The following EBF3 variants were observed in gnomAD, a reference collection of about 807,000 sequenced individuals.
The protein encoded by EBF3 is EBF transcription factor 3.
EBF3 carries 18 observed loss-of-function variants against 77.1 expected under a neutral mutation model. The ratio of observed to expected loss-of-function variants is 0.23; its 90% CI spans 0.16 to 0.35. The LOEUF is 0.35. EBF3 is among the 10% of genes least tolerant of loss of function. EBF3 has a pLI of 1.00. For missense variants in EBF3, 558 were observed against 860.0 expected (o/e 0.65, Z 4.39); for synonymous variants, 350 against 343.5 (o/e 1.02, Z -0.21).
Position 129,861,553 on chromosome 10 carries a change from T to C in EBF3, c.1039+5588A>G, listed in dbSNP as rs1053157086. ...CTGGAGGGTGTCTATTCTTGGGGGG[T>C]TCACTGGGGATCATGGGGGGGACAC... On this transcript the variant is annotated intron_variant, in intron 10 of 16. Transcript: ENST00000440978. The surrounding 1 kb of genome is among the most constrained non-coding windows in gnomAD (Gnocchi z 4.3). 1.4e-5 allele frequency among the ~76,000 whole-genome samples: 2 copies of C among 140,056 alleles called. No homozygotes were observed. Among genetic ancestry groups the C allele is most frequent in the African/African-American group, 5.2e-5 (2 of 38,760 alleles). The allele number at this position is 140,056 out of a possible 152,430, so 91.9% of individuals were successfully genotyped here. A position where few individuals can be genotyped will look rare whatever the true frequency, so the allele number is the denominator to read the frequency against.
Position 129,943,121 on chromosome 10 carries a change from A to G in EBF3, c.554+14137T>C, listed in dbSNP as rs1857900672. On this transcript the variant is annotated intron_variant, in intron 6 of 16. Coordinates refer to ENST00000440978, the MANE Select transcript of EBF3 (RefSeq NM_001375380.1). The surrounding 1 kb of genome is among the most constrained non-coding windows in gnomAD (Gnocchi z 8.8). The stretch of plus-strand genomic sequence containing the variant: ...ACTGGATCACTCCACCGGCTGCTCA[A>G]GAAGCCAACAACTTCCTCCACATAA... 1.3e-5 allele frequency among the ~76,000 whole-genome samples: 2 copies of G among 152,228 alleles called. No individual in the cohort carries two copies. The highest frequency in any genetic ancestry group is 2.4e-5 in the African/African-American group (1 of 41,452).
At chr10:129,953,566 G>A (rs912443902) in intron 6 of EBF3, among the ~76,000 whole-genome samples, 1 of 152,306 alleles carries the variant, frequency 6.6e-6, no homozygotes, top group East Asian at 1.9e-4. Flanking sequence ...ACCGCCTGCC[G>A]CAGAGATGCC....
At chr10:129,846,108 TTGTGTGTGTGTGTGTGTGTG>T (rs10530522) in intron 11 of EBF3, among the ~76,000 whole-genome samples, 17 of 139,694 alleles carry the variant, frequency 1.2e-4, no homozygotes, top group African/African-American at 3.1e-4. Context: ...ATTCTGGGCT[TTGTGTGTGTGTGTGTGTGTG>T]TGTGTGTGTG....
chr10:129,845,711 G>A (rs1434598418), intron 11 of EBF3: 1 of 151,780 alleles, frequency 6.6e-6, no homozygotes, highest in African/African-American at 2.4e-5. Flanking sequence ...TTAATGCATG[G>A]GTAATTGCTC....
chr10:129,933,096 C>G (rs1047538425), intron 6 of EBF3, among the ~76,000 whole-genome samples: 2 of 152,074 alleles, frequency 1.3e-5, no homozygotes, highest in Non-Finnish European at 1.5e-5. Context: ...AAATCTCATT[C>G]GCTTGGAATC....
At chr10:129,869,390 G>GC (rs904559133) in intron 8 of EBF3, among the ~76,000 whole-genome samples, 23 of 146,230 alleles carry the variant, frequency 1.6e-4, no homozygotes, top group Admixed American at 8.2e-4. Flanking sequence ...CAAGCCACCC[G>GC]CCCCCCACCA....
chr10:129,961,437 G>A (rs1392478698), intron 4 of EBF3, among the ~76,000 whole-genome samples: 3 of 152,306 alleles, frequency 2.0e-5, no homozygotes, highest in South Asian at 2.1e-4. Flanking sequence ...AAGCAGTGAC[G>A]CACTTTTCTC....
At chr10:129,882,447 A>C (rs1448299137) in intron 6 of EBF3, among the ~76,000 whole-genome samples, 1 of 152,252 alleles carries the variant, frequency 6.6e-6, no homozygotes, top group South Asian at 2.1e-4. Context: ...AGAGAGCAGG[A>C]GAGAAAAATT....
Position 129,838,082 on chromosome 10 carries a change from C to T in EBF3, c.1873-122G>A, listed in dbSNP as rs1007685850. The T allele has an allele frequency of 1.1e-5, 13 of 1,199,400 alleles. 1 individual carries two copies. Among genetic ancestry groups the T allele is most frequent in the South Asian group, 5.2e-5 (4 of 76,504 alleles). 74.3% of individuals were successfully genotyped at this position (1,199,400 alleles called of 1,614,324 possible). On this transcript the variant is annotated intron_variant, in intron 16 of 16. Coordinates refer to ENST00000440978, the MANE Select transcript of EBF3 (RefSeq NM_001375380.1). ...CTGGGAGGCTGGTCTTGCACAGTTC[C>T]GTCCACCAGCCTCGGGCGTGGTTAG...
At position 129,913,100 on chromosome 10, in the gene EBF3, C is replaced by T. The variant is rs189234459; in HGVS notation, c.555-35251G>A. On this transcript the variant is annotated intron_variant, in intron 6 of 16. Coordinates refer to ENST00000440978, the MANE Select transcript of EBF3 (RefSeq NM_001375380.1). The stretch of plus-strand genomic sequence containing the variant: ...ACAAATGTGTTTCTTGGAGGGAAAA[C>T]GCAGCTTTGTTCGAGCTAGGCATTT... Among the ~76,000 whole-genome samples the T allele has an allele frequency of 3.0e-3, 455 of 152,334 alleles. 2 individuals are homozygous for T. The highest frequency in any genetic ancestry group is 9.8e-3 in the African/African-American group (406 of 41,572).
chr10:129,884,022 A>C (rs1242789453), intron 6 of EBF3, among the ~76,000 whole-genome samples: 1 of 152,194 alleles, frequency 6.6e-6, no homozygotes, highest in African/African-American at 2.4e-5. Flanking sequence ...TGCAGCCTTT[A>C]CTGTGCTATT....
intron 6 of EBF3, among the ~76,000 whole-genome samples, chr10:129,892,701 C>G (rs563680727): frequency 4.0e-4 from 61 of 152,156 alleles, no homozygotes; most frequent in Admixed American, 8.5e-4. Flanking sequence ...ATGACTTTTC[C>G]CATTATGCCT....
rs1418532751 is a variant in EBF3, at chr10:129,836,056, G to T, written c.*1887C>A. On this transcript the variant is annotated 3_prime_UTR_variant, in exon 17 of 17. Coordinates refer to ENST00000440978, the MANE Select transcript of EBF3 (RefSeq NM_001375380.1). ...GTGAATCGGAGGTGGGCCCAGGAGG[G>T]TGCAGGACGCAGCAGAAATAGTCCC... is the stretch of plus-strand genomic sequence containing the variant. 1.3e-5 allele frequency: 2 copies of T among 152,626 alleles called. No individual in the cohort carries two copies. Among genetic ancestry groups the T allele is most frequent in the African/African-American group, 2.4e-5 (1 of 41,448 alleles). 9.5% of individuals were successfully genotyped at this position (152,626 alleles called of 1,614,324 possible).
rs1193942882 is a variant in EBF3, at chr10:129,841,715, C to T, written c.1372+401G>A. Among the ~76,000 whole-genome samples, 1 of 152,144 alleles carries T rather than the reference C, an allele frequency of 6.6e-6. No individual in the cohort carries two copies. Among genetic ancestry groups the T allele is most frequent in the Non-Finnish European group, 1.5e-5 (1 of 68,028 alleles). ...AAATGGGGGTCTGTCTCCATGGATT[C>T]GTTCCAAACTTAGACCCAAATCCCG... is the stretch of plus-strand genomic sequence containing the variant. On this transcript the variant is annotated intron_variant, in intron 13 of 16. Coordinates refer to ENST00000440978, the MANE Select transcript of EBF3 (RefSeq NM_001375380.1). This position sits in a 1 kb window ranked among gnomAD's most constrained non-coding sequence, Gnocchi z 4.6.
In EBF3 at chr10:129,844,301, G is replaced by GTGAC. The variant is rs771488798; in HGVS notation, c.1129-1103_1129-1100dup. On this transcript the variant is annotated intron_variant, in intron 11 of 16. Transcript: ENST00000440978. The stretch of plus-strand genomic sequence containing the variant: ...CTCTTGTTAACCTGAGACCCCAAAG[G>GTGAC]TGACTGGACAAAAAGTAAGGCAGGT... 4.7e-4 allele frequency among the ~76,000 whole-genome samples: 71 copies of GTGAC among 151,736 alleles called. 6 individuals are homozygous for GTGAC. The highest frequency in any genetic ancestry group is 2.7e-3 in the Admixed American group (41 of 15,286).
Position 129,938,159 on chromosome 10 carries a change from C to A in EBF3, c.554+19099G>T, listed in dbSNP as rs1421242546. 6.6e-6 allele frequency among the ~76,000 whole-genome samples: 1 copy of A among 152,132 alleles called. No homozygotes were observed. Among genetic ancestry groups the A allele is most frequent in the Non-Finnish European group, 1.5e-5 (1 of 68,030 alleles). On this transcript the variant is annotated intron_variant, in intron 6 of 16. Coordinates refer to ENST00000440978, the MANE Select transcript of EBF3 (RefSeq NM_001375380.1). This position sits in a 1 kb window ranked among gnomAD's most constrained non-coding sequence, Gnocchi z 5.1. ...GCTCCTGCTGAGTTTTTGTGCGAGG[C>A]TAGCCCCCCGCATGAGGCTTCATCA...
Position 129,840,458 on chromosome 10 carries a change from CA to C in EBF3, c.1562-17del. 6.5e-7 allele frequency: 1 copy of C among 1,546,584 alleles called. No individual in the cohort carries two copies. Among genetic ancestry groups the C allele is most frequent in the Non-Finnish European group, 8.7e-7 (1 of 1,143,438 alleles). ...GACGGCACTACTGCAACAAAGCAAA[CA>C]CGGTCAGCACGCGCGGCCGCGGCAC... On this transcript the variant is annotated splice_polypyrimidine_tract_variant and intron_variant, in intron 14 of 16. Coordinates refer to ENST00000440978, the MANE Select transcript of EBF3 (RefSeq NM_001375380.1).
intron 7 of EBF3, among the ~76,000 whole-genome samples, chr10:129,874,084 T>G (rs1344302447): frequency 1.3e-5 from 2 of 152,208 alleles, no homozygotes; most frequent in African/African-American, 4.8e-5. Context: ...CTGCCCACAT[T>G]TTATCAGGAA....
rs1309230379 is a variant in EBF3 at position 129,964,164 on chromosome 10, G to T, written c.-396C>A. Reference sequence around the variant, plus strand: ...CCTGCTCCAAAGACAAATAAACGGGGCAGTGAGTGCTGCGGCGCAGTCCCG... The same window carrying T: ...CCTGCTCCAAAGACAAATAAACGGGTCAGTGAGTGCTGCGGCGCAGTCCCG... On this transcript the variant is annotated 5_prime_UTR_variant, in exon 1 of 17. Transcript: ENST00000440978. The surrounding 1 kb of genome is among the most constrained non-coding windows in gnomAD (Gnocchi z 4.5). 1 of 984,870 alleles carries T rather than the reference G, an allele frequency of 1.0e-6. No individual in the cohort carries two copies. Among genetic ancestry groups the T allele is most frequent in the Non-Finnish European group, 1.2e-6 (1 of 829,808 alleles). The allele number at this position is 984,870 out of a possible 1,614,324, so 61.0% of individuals were successfully genotyped here.
Sources: allele counts gnomAD v4.1 joint callset (sites outside exome capture counted in the v4.1 genomes callset), GRCh38; gene constraint gnomAD v4.1.1; non-coding constraint Gnocchi (gnomAD v3.1); transcripts MANE v1.5; gene names NCBI Gene and HGNC (gene_info 2026-07-23, HGNC 2026-07-21).